MACF1: variants seen among roughly 807,000 people sequenced by gnomAD.
MACF1 encodes microtubule actin crosslinking factor 1.
Under a neutral mutation model 854.8 loss-of-function variants are expected in MACF1, and 193 were observed. The observed-to-expected ratio is 0.23, with a 90% confidence interval of 0.20 to 0.25. The LOEUF is 0.25. MACF1 is among the 10% of genes least tolerant of loss of function. The pLI, the probability that MACF1 is intolerant of heterozygous loss-of-function variation, is 1.00. For missense variants in MACF1, 7,722 were observed against 8,929.1 expected, an observed-to-expected ratio of 0.86 and a Z score of 5.45; for synonymous variants, 3,185 against 3,226.7, an observed-to-expected ratio of 0.99 and a Z score of 0.44.
In MACF1 at chr1:39,447,520, G is replaced by A. The variant is rs1230238640; in HGVS notation, c.19694G>A (p.Ser6565Asn). ...AACTGGCTCACTCTAGCAGAGCAGA[G>A]TTTAAACATCGCTTCTCCACCAAGC... is the stretch of plus-strand genomic sequence containing the variant. ...FINWLTLAEQ[S>N]LNIASPPSLI... Residue 6565 changes from serine to asparagine, a missense_variant, in exon 81 of 101, where the codon AGT (serine) becomes AAT (asparagine). Transcript: ENST00000564288. The A allele has an allele frequency of 6.2e-7, 1 of 1,614,066 alleles. No homozygotes were observed. The highest frequency in any genetic ancestry group is 8.5e-7 in the Non-Finnish European group (1 of 1,180,042).
At chr1:39,327,157 G>C (rs997817436) in intron 35 of MACF1, 61 bp from the exon 36 acceptor site, 1 of 1,473,938 alleles carries the variant, frequency 6.8e-7, no homozygotes. Context: ...TGAAGCAATA[G>C]AGCAGAGTTT....
intron 2 of MACF1, among the ~76,000 whole-genome samples, chr1:39,149,685 G>A (rs1304162592): frequency 6.6e-6 from 1 of 151,996 alleles, no homozygotes; most frequent in East Asian, 1.9e-4. Flanking sequence ...CAAGCACTTG[G>A]CACTACAGAG....
At chr1:39,366,382 G>A (rs1019125255) in intron 49 of MACF1, among the ~76,000 whole-genome samples, 1 of 152,066 alleles carries the variant, frequency 6.6e-6, no homozygotes, top group Admixed American at 6.5e-5. Context: ...TGCCCAGGCT[G>A]GAGTGCAGTG....
intron 58 of MACF1, chr1:39,414,160 G>T: frequency 6.2e-7 from 1 of 1,611,924 alleles, no homozygotes; most frequent in South Asian, 1.1e-5. Flanking sequence ...CCCAGCAGCA[G>T]CAGTGCCCAC....
chr1:39,411,579 G>C, intron 58 of MACF1: 2 of 1,613,898 alleles, frequency 1.2e-6, no homozygotes, highest in East Asian at 4.5e-5. Context: ...CTGCTCAGGG[G>C]TTAGAGGGAC....
intron 95 of MACF1, 22 bp downstream of exon 95, chr1:39,465,134 TC>T: frequency 5.6e-6 from 9 of 1,609,872 alleles, no homozygotes; most frequent in Non-Finnish European, 7.7e-6. Context: ...CTTGCAATGT[TC>T]TCCTTCTCAA....
Position 39,283,176 on chromosome 1 carries a change from TG to T in MACF1, c.696-11del. 6.4e-7 allele frequency: 1 copy of T among 1,561,138 alleles called. No homozygotes were observed. Among genetic ancestry groups the T allele is most frequent in the Non-Finnish European group, 8.8e-7 (1 of 1,135,408 alleles). On this transcript the variant is annotated splice_polypyrimidine_tract_variant and intron_variant, in intron 7 of 100. Coordinates refer to ENST00000564288, the MANE Select transcript of MACF1 (RefSeq NM_001394062.1). The surrounding 1 kb of genome is among the most constrained non-coding windows in gnomAD (Gnocchi z 4.5). ...GATGGTGGCGTTTCATGTGCCTTGC[TG>T]GACTTTTACAGACCCGATCTAGTAG...
Position 39,123,709 on chromosome 1 carries a change from CTTGTTTTGTTT to C in MACF1, c.220+39274_220+39284del, listed in dbSNP as rs1377943489. Among the ~76,000 whole-genome samples, 8 of 94,466 alleles carry C rather than the reference CTTGTTTTGTTT, an allele frequency of 8.5e-5. No individual in the cohort carries two copies. The Middle Eastern group carries it at 0.029, about 343-fold the overall frequency. The allele number at this position is 94,466 out of a possible 152,430, so 62.0% of individuals were successfully genotyped here. ...CTCGTGCCACCATGCCCGGCTAATT[CTTGTTTTGTTT>C]TTTTTTTTTTTTTTTTTGTCCGAGG... On this transcript the variant is annotated intron_variant, in intron 2 of 93. Transcript: ENST00000361689.
chr1:39,349,137 A>G (rs1214968304), intron 41 of MACF1, among the ~76,000 whole-genome samples: 1 of 152,178 alleles, frequency 6.6e-6, no homozygotes, highest in African/African-American at 2.4e-5. Context: ...CTAAATTATT[A>G]TCATCACCAT....
Position 39,454,950 on chromosome 1 carries a change from G to T in MACF1, c.20928G>T (p.Thr6976=), listed in dbSNP as rs774231671. Residue 6976 remains threonine, a synonymous_variant, in exon 89 of 101, where the codon ACG becomes ACT. Coordinates refer to ENST00000564288, the MANE Select transcript of MACF1 (RefSeq NM_001394062.1). ...AGCAGCACCAGCAGCGTCTTGAAACGGCCTTGTCAGAACTGGTGGCTAATG... is the reference window on the plus strand; with the variant it reads ...AGCAGCACCAGCAGCGTCTTGAAACTGCCTTGTCAGAACTGGTGGCTAATG... ...WAKQHQQRLE[T]ALSELVANAE... 11 of 1,614,124 alleles carry T rather than the reference G, an allele frequency of 6.8e-6. No homozygotes were observed. The highest frequency in any genetic ancestry group is 9.3e-6 in the Non-Finnish European group (11 of 1,180,010).
intron 51 of MACF1, among the ~76,000 whole-genome samples, chr1:39,371,270 A>T (rs1317771471): frequency 6.8e-6 from 1 of 146,554 alleles, no homozygotes; most frequent in East Asian, 2.1e-4. Flanking sequence ...GTGAGCTGAG[A>T]TGGTGCCACT....
chr1:39,383,819 G>C (rs1322896444), intron 56 of MACF1, among the ~76,000 whole-genome samples: 1 of 151,954 alleles, frequency 6.6e-6, no homozygotes, highest in Non-Finnish European at 1.5e-5. Context: ...GAAGCTGACA[G>C]TGAGCCGAGA....
At chr1:39,222,720 G>A (rs565486504) in intron 1 of MACF1, among the ~76,000 whole-genome samples, 2 of 152,176 alleles carry the variant, frequency 1.3e-5, no homozygotes, top group South Asian at 2.1e-4. Context: ...AACTTCATGC[G>A]GTCACAAAAC....
At chr1:39,449,095 A>G (rs569105449) in intron 84 of MACF1, among the ~76,000 whole-genome samples, 2 of 152,342 alleles carry the variant, frequency 1.3e-5, no homozygotes, top group Non-Finnish European at 2.9e-5. Context: ...CTCTACATGC[A>G]TTACCTCATT....
rs900798070 is a variant in MACF1, at chr1:39,126,787, C to CA, written c.220+42359dup. Among the ~76,000 whole-genome samples, 487 of 138,112 alleles carry CA rather than the reference C, an allele frequency of 3.5e-3. 2 individuals are homozygous for CA. Among genetic ancestry groups the CA allele is most frequent in the Non-Finnish European group, 5.2e-3 (332 of 63,448 alleles). The allele number at this position is 138,112 out of a possible 152,430, so 90.6% of individuals were successfully genotyped here. ...GGGCAACAGAGCAAGACTCTGTCTCCAAAAAAAAAACCACACAAAAAACAA... is the reference window on the plus strand; with the variant it reads ...GGGCAACAGAGCAAGACTCTGTCTCCAAAAAAAAAAACCACACAAAAAACAA... On this transcript the variant is annotated intron_variant, in intron 2 of 93. Coordinates refer to the MACF1 transcript ENST00000361689.
intron 19 of MACF1, 64 bp from the exon 20 acceptor site, chr1:39,295,723 A>C: frequency 9.1e-5 from 101 of 1,105,870 alleles, no homozygotes; most frequent in Non-Finnish European, 1.2e-4. Flanking sequence ...GGAAAATAGT[A>C]TTGCGCATAT....
intron 2 of MACF1, among the ~76,000 whole-genome samples, chr1:39,183,462 G>A (rs1335091005): frequency 1.3e-5 from 2 of 152,192 alleles, no homozygotes; most frequent in East Asian, 3.8e-4. Flanking sequence ...GAATCTTGAA[G>A]TTGTCTTGAA....
intron 58 of MACF1, among the ~76,000 whole-genome samples, chr1:39,403,143 GCTGGA>G (rs1254106957): frequency 6.6e-6 from 1 of 151,444 alleles, no homozygotes; most frequent in Non-Finnish European, 1.5e-5. Flanking sequence ...TGTCTCCCAG[GCTGGA>G]GTGCAGTGGG....
At chr1:39,277,583 G>A (rs180914792) in intron 6 of MACF1, among the ~76,000 whole-genome samples, 1 of 152,248 alleles carries the variant, frequency 6.6e-6, no homozygotes, top group East Asian at 1.9e-4. Flanking sequence ...GTTATGGCAT[G>A]TCTCAACTAA....
Sources: gnomAD v4.1 joint callset for allele counts (sites outside exome capture counted in the v4.1 genomes callset) on GRCh38, gnomAD v4.1.1 for gene constraint, Gnocchi (gnomAD v3.1) non-coding constraint, MANE v1.5 for transcripts, NCBI Gene and HGNC (gene_info 2026-07-23, HGNC 2026-07-21) for gene names.